The following HMCES variants were observed in gnomAD, a reference collection of about 807,000 sequenced individuals.
HMCES encodes abasic site processing protein HMCES.
A neutral mutation model predicts 35.1 loss-of-function variants in HMCES; 27 were observed. The ratio of observed to expected loss-of-function variants is 0.77; its 90% confidence interval spans 0.57 to 1.06. The LOEUF is 1.06. HMCES is among the 50% of genes least tolerant of loss of function. The pLI is 0.00. For synonymous variants in HMCES, 130 were observed against 154.7 expected, an observed-to-expected ratio of 0.84 and a Z score of 1.18; for missense variants, 391 against 430.4, an observed-to-expected ratio of 0.91 and a Z score of 0.81.
In HMCES at chr3:129,290,805, GTATCAT is replaced by G. The variant is rs2071005619; in HGVS notation, c.453+7_453+12del. 3 of 1,611,822 alleles carry G rather than the reference GTATCAT, an allele frequency of 1.9e-6. No individual in the cohort carries two copies. The East Asian group carries it at 6.7e-5, about 36-fold the overall frequency. ...TTTTCCTCAAATCAAGACAGAGAAGGTATCATTATCAGCATTCACAATATATATTTG... is the reference window on the plus strand; with the variant it reads ...TTTTCCTCAAATCAAGACAGAGAAGGTATCAGCATTCACAATATATATTTG... On this transcript the variant is annotated splice_donor_variant and splice_donor_5th_base_variant and intron_variant, in intron 4 of 6. Coordinates refer to ENST00000383463, the MANE Select transcript of HMCES (RefSeq NM_020187.3). LOFTEE classifies it high-confidence loss of function.
At chr3:129,284,834 C>A (rs1560072969) in intron 2 of HMCES, among the ~76,000 whole-genome samples, 1 of 152,180 alleles carries the variant, frequency 6.6e-6, no homozygotes, top group Admixed American at 6.5e-5. Context: ...ATCGCTTGAA[C>A]CTGGGAGGCA....
Position 129,302,078 on chromosome 3 carries a change from T to C in HMCES, c.764T>C (p.Val255Ala). ...ENITFHAVSSVVNNSRNNTPE... is the reference protein window; with the variant it reads ...ENITFHAVSSAVNNSRNNTPE... The stretch of plus-strand genomic sequence containing the variant: ...ATCACCTTCCATGCAGTCTCTTCTG[T>C]GGTGAACAACTCGCGAAACAACACT... The change falls in exon 6 of 7, where the codon GTG (valine) becomes GCG (alanine). Residue 255 changes from valine to alanine, a missense_variant. Val to Ala is a moderately conservative substitution (Grantham distance 64). Coordinates refer to ENST00000383463, the MANE Select transcript of HMCES (RefSeq NM_020187.3). 1 of 1,614,184 alleles carries C rather than the reference T, an allele frequency of 6.2e-7. No individual in the cohort carries two copies. The highest frequency in any genetic ancestry group is 8.5e-7 in the Non-Finnish European group (1 of 1,180,034).
chr3:129,279,640 C>T lies in HMCES; in HGVS notation c.-23-70C>T, dbSNP rs779022813. The T allele has an allele frequency of 7.0e-5, 101 of 1,437,850 alleles. No individual in the cohort carries two copies. Among genetic ancestry groups the T allele is most frequent in the Non-Finnish European group, 9.2e-5 (97 of 1,052,014 alleles). 89.1% of individuals were successfully genotyped at this position (1,437,850 alleles called of 1,614,324 possible). On this transcript the variant is annotated intron_variant, in intron 1 of 6. Transcript: ENST00000383463. This position sits in a 1 kb window ranked among gnomAD's most constrained non-coding sequence, Gnocchi z 4.2. ...GCCCTGTGGGAACGGAAAGAGAAGG[C>T]GGGGACTCAAGGAATAAGACCTAAT...
rs754787811 is a variant in HMCES at position 129,304,826 on chromosome 3, C to T, written c.*1C>T. 1.9e-6 allele frequency: 3 copies of T among 1,612,568 alleles called. No homozygotes were observed. The highest frequency in any genetic ancestry group is 2.5e-6 in the Non-Finnish European group (3 of 1,178,626). On this transcript the variant is annotated 3_prime_UTR_variant, in exon 7 of 7. Transcript: ENST00000383463. ...GGCCAAGCGTCCTTACAGCCAGTGA[C>T]ACAGGACTTTCAGAGACCAAGGCCA...
In HMCES at chr3:129,298,486, A is replaced by G. The variant is rs754527322; in HGVS notation, c.586A>G (p.Thr196Ala). Residue 196 changes from threonine to alanine, a missense_variant, in exon 5 of 7, where the codon ACC becomes GCC. Coordinates refer to ENST00000383463, the MANE Select transcript of HMCES (RefSeq NM_020187.3). ...PEGGDVLYSYTIITVDSCKGL... is the reference protein window; with the variant it reads ...PEGGDVLYSYAIITVDSCKGL... ...GGGAGGAGATGTCCTGTATTCCTAT[A>G]CCATCATCACAGTGGATTCCTGCAA... The G allele has an allele frequency of 1.2e-6, 2 of 1,613,994 alleles. No homozygotes were observed. Among genetic ancestry groups the G allele is most frequent in the African/African-American group, 2.7e-5 (2 of 74,872 alleles).
chr3:129,295,183 GC>G (rs1182268696), intron 4 of HMCES, among the ~76,000 whole-genome samples: 1 of 147,608 alleles, frequency 6.8e-6, no homozygotes, highest in Non-Finnish European at 1.5e-5. Flanking sequence ...AAAAATTCAT[GC>G]TTTTTATTGA....
chr3:129,285,798 C>T (rs755677717), intron 2 of HMCES, among the ~76,000 whole-genome samples: 1 of 150,982 alleles, frequency 6.6e-6, no homozygotes, highest in African/African-American at 2.4e-5. Flanking sequence ...GGCACAATCT[C>T]AGTTCAATGC....
intron 2 of HMCES, among the ~76,000 whole-genome samples, chr3:129,288,482 C>A (rs993884512): frequency 6.6e-6 from 1 of 151,652 alleles, no homozygotes; most frequent in Non-Finnish European, 1.5e-5. Context: ...ATCACTTGAG[C>A]CCAGGAGTTC....
At position 129,290,539 on chromosome 3, in the gene HMCES, C is replaced by T. The variant is rs75561634; in HGVS notation, c.328-140C>T. The T allele has an allele frequency of 7.2e-4, 530 of 734,666 alleles. 5 individuals carry two copies. The East Asian group carries it at 0.015, about 20-fold the overall frequency. 45.5% of individuals were successfully genotyped at this position (734,666 alleles called of 1,614,324 possible). The stretch of plus-strand genomic sequence containing the variant: ...CCTCAAGTGATCCTCCCATCTCGGC[C>T]GCCCAAAGTGTTGGGATTACAGCCG... On this transcript the variant is annotated intron_variant, in intron 3 of 6. Transcript: ENST00000383463.
At position 129,305,453 on chromosome 3, in the gene HMCES, G is replaced by A. The variant is rs889560894; in HGVS notation, c.*628G>A. ...GTCTTGGTGGTGGGCTCCTTATTAT[G>A]TTTCTTTTTCTTTCATTCTTGATAC... On this transcript the variant is annotated 3_prime_UTR_variant, in exon 7 of 7. Coordinates refer to ENST00000383463, the MANE Select transcript of HMCES (RefSeq NM_020187.3). 5.3e-5 allele frequency: 8 copies of A among 151,914 alleles called. No homozygotes were observed. The highest frequency in any genetic ancestry group is 1.9e-4 in the African/African-American group (8 of 41,332). 9.4% of individuals were successfully genotyped at this position (151,914 alleles called of 1,614,324 possible).
At chr3:129,304,382 T>G (rs1025192634) in intron 6 of HMCES, among the ~76,000 whole-genome samples, 5 of 152,240 alleles carry the variant, frequency 3.3e-5, no homozygotes, top group Non-Finnish European at 7.3e-5. Flanking sequence ...CAATCCTCTG[T>G]GAAACCTTCT....
Position 129,302,053 on chromosome 3 carries a change from A to T in HMCES, c.739A>T (p.Ile247Phe). 1 of 1,614,164 alleles carries T rather than the reference A, an allele frequency of 6.2e-7. No individual in the cohort carries two copies. Among genetic ancestry groups the T allele is most frequent in the South Asian group, 1.1e-5 (1 of 91,086 alleles). ...GAAATTAATCCACCCAACAGAGAACATCACCTTCCATGCAGTCTCTTCTGT... is the reference window on the plus strand; with the variant it reads ...GAAATTAATCCACCCAACAGAGAACTTCACCTTCCATGCAGTCTCTTCTGT... ...ALKLIHPTEN[I>F]TFHAVSSVVN... The change falls in exon 6 of 7, where the codon ATC becomes TTC. Residue 247 changes from isoleucine (I) to phenylalanine (F), a missense_variant. Physicochemically the swap from Ile to Phe is conservative, Grantham distance 21. Coordinates refer to ENST00000383463, the MANE Select transcript of HMCES (RefSeq NM_020187.3).
chr3:129,286,448 C>T (rs560830840), intron 2 of HMCES, among the ~76,000 whole-genome samples: 12 of 152,318 alleles, frequency 7.9e-5, no homozygotes, highest in Middle Eastern at 6.8e-3. Context: ...ATGCCACATT[C>T]TGTTGGTTAC....
At chr3:129,287,251 C>T (rs1470661358) in intron 2 of HMCES, among the ~76,000 whole-genome samples, 2 of 150,786 alleles carry the variant, frequency 1.3e-5, no homozygotes, top group Non-Finnish European at 2.9e-5. Flanking sequence ...GAGAGAAGGT[C>T]CTGCTCCGTG....
At position 129,283,450 on chromosome 3, in the gene HMCES, A is replaced by G. The variant is rs1023444317; in HGVS notation, c.183+3535A>G. The stretch of plus-strand genomic sequence containing the variant: ...AGGCTCAAGCGATCCTGCTGCCTCA[A>G]CCTCCCCAGCAGCTGGGATCACAGG... On this transcript the variant is annotated intron_variant, in intron 2 of 6. Transcript: ENST00000383463. 4.7e-5 allele frequency among the ~76,000 whole-genome samples: 7 copies of G among 150,452 alleles called. No individual in the cohort carries two copies. In the East Asian group the frequency reaches 7.9e-4, roughly 17 times the overall value.
chr3:129,301,759 T>A (rs1482056852), intron 5 of HMCES, among the ~76,000 whole-genome samples, 191 bp from the exon 6 acceptor site: 3 of 152,234 alleles, frequency 2.0e-5, no homozygotes, highest in Non-Finnish European at 2.9e-5. Context: ...AACATGGCTC[T>A]CCAGGTGTTG....
intron 4 of HMCES, 38 bp from the exon 5 acceptor site, chr3:129,298,316 C>T (rs1360870693): frequency 1.9e-6 from 3 of 1,590,670 alleles, no homozygotes; most frequent in African/African-American, 2.7e-5. Context: ...AAGAAGTCTG[C>T]TGAGTGCATC....
rs753218917 is a variant in HMCES, at chr3:129,298,484, A to G, written c.584A>G (p.Tyr195Cys). ...PPEGGDVLYS[Y>C]TIITVDSCKG... is the part of the protein sequence containing the mutation. The stretch of plus-strand genomic sequence containing the variant: ...GAGGGAGGAGATGTCCTGTATTCCT[A>G]TACCATCATCACAGTGGATTCCTGC... Residue 195 changes from tyrosine (Y) to cysteine (C), a missense_variant, in exon 5 of 7, where the codon TAT (tyrosine) becomes TGT (cysteine). Coordinates refer to ENST00000383463, the MANE Select transcript of HMCES (RefSeq NM_020187.3). 1.3e-5 allele frequency: 21 copies of G among 1,613,884 alleles called. No individual in the cohort carries two copies. Among genetic ancestry groups the G allele is most frequent in the Admixed American group, 3.3e-5 (2 of 60,000 alleles).
chr3:129,299,152 A>C (rs549780555), intron 5 of HMCES, among the ~76,000 whole-genome samples: 12 of 152,306 alleles, frequency 7.9e-5, no homozygotes, highest in Admixed American at 5.9e-4. Context: ...CATCTCAATA[A>C]ATACATACAT....
Sources: allele counts gnomAD v4.1 joint callset (sites outside exome capture counted in the v4.1 genomes callset), GRCh38; gene constraint gnomAD v4.1.1; non-coding constraint Gnocchi (gnomAD v3.1); transcripts MANE v1.5; gene names NCBI Gene and HGNC (gene_info 2026-07-23, HGNC 2026-07-21).